The following CARMIL1 variants were observed in gnomAD, a reference collection of about 807,000 sequenced individuals.
CARMIL1 encodes the protein capping protein regulator and myosin 1 linker 1, also known as F-actin-uncapping protein LRRC16A.
A neutral mutation model predicts 177.1 loss-of-function variants in CARMIL1; 90 were observed. The ratio of observed to expected loss-of-function variants is 0.51; its 90% CI spans 0.43 to 0.61. The LOEUF (loss-of-function observed/expected upper bound fraction) is 0.61, where lower values mean the gene tolerates loss of function less well. CARMIL1 is among the 20% of genes least tolerant of loss of function. The pLI is 0.00. For missense variants in CARMIL1, 1,380 were observed against 1,667.0 expected, an observed-to-expected ratio of 0.83 and a Z score of 3.00; for synonymous variants, 577 against 606.2, an observed-to-expected ratio of 0.95 and a Z score of 0.71.
intron 5 of CARMIL1, among the ~76,000 whole-genome samples, chr6:25,441,320 C>CATATATATATATATATATATATATAT (rs199573016): frequency 6.0e-5 from 6 of 99,616 alleles, no homozygotes; most frequent in African/African-American, 8.1e-5. Context: ...AACAAACAAA[C>CATATATATATATATATATATATATAT]ATATATATAT....
Position 25,606,241 on chromosome 6 carries a change from T to C in CARMIL1, c.3815T>C (p.Ile1272Thr), listed in dbSNP as rs1276620996. The C allele has an allele frequency of 6.2e-7, 1 of 1,613,790 alleles. No homozygotes were observed. Among genetic ancestry groups the C allele is most frequent in the African/African-American group, 1.3e-5 (1 of 75,032 alleles). Residue 1272 changes from isoleucine (I) to threonine (T), a missense_variant, in exon 35 of 37, where the codon ATC becomes ACC. Coordinates refer to ENST00000329474, the MANE Select transcript of CARMIL1 (RefSeq NM_017640.6). ...CCCAGTCTGGCAGCACGGCCCGTCA[T>C]CCCGCAGAAACCAAGAACCGCCTCA... ...PKPSLAARPVIPQKPRTASRP... is the reference protein window; with the variant it reads ...PKPSLAARPVTPQKPRTASRP...
At chr6:25,395,803 C>T (rs1793325736) in intron 2 of CARMIL1, among the ~76,000 whole-genome samples, 1 of 152,180 alleles carries the variant, frequency 6.6e-6, no homozygotes, top group African/African-American at 2.4e-5. Context: ...CGTTTGTCTT[C>T]CTATTGAGGT....
chr6:25,374,111 G>A (rs1790741557), intron 2 of CARMIL1, among the ~76,000 whole-genome samples: 1 of 152,028 alleles, frequency 6.6e-6, no homozygotes, highest in African/African-American at 2.4e-5. Flanking sequence ...AGCTCCTTGA[G>A]GTATGATGTT....
intron 8 of CARMIL1, among the ~76,000 whole-genome samples, chr6:25,459,210 TTTTCTTTC>T (rs5875042): frequency 0.033 from 2,680 of 80,160 alleles, 122 homozygotes; most frequent in African/African-American, 0.065. Context: ...GATCCCAACT[TTTTCTTTC>T]TTTCTTTCTT....
chr6:25,424,279 C>T (rs1472465546), intron 3 of CARMIL1, among the ~76,000 whole-genome samples: 1 of 152,164 alleles, frequency 6.6e-6, no homozygotes, highest in African/African-American at 2.4e-5. Flanking sequence ...GCTTGAGGAA[C>T]TTGAAGTCAT....
At chr6:25,330,937 C>G (rs550443149) in intron 2 of CARMIL1, among the ~76,000 whole-genome samples, 2 of 130,282 alleles carry the variant, frequency 1.5e-5, no homozygotes, top group Non-Finnish European at 3.1e-5. Flanking sequence ...AGGGAACTTA[C>G]TGTAATGTAA....
chr6:25,488,657 T>A (rs1288742068), intron 13 of CARMIL1, 72 bp downstream of exon 13: 3 of 1,197,198 alleles, frequency 2.5e-6, no homozygotes. Flanking sequence ...TCTAAACATG[T>A]CTTTGTAGTG....
At chr6:25,331,420 C>G (rs1468807672) in intron 2 of CARMIL1, among the ~76,000 whole-genome samples, 2 of 152,180 alleles carry the variant, frequency 1.3e-5, no homozygotes, top group Non-Finnish European at 2.9e-5. Flanking sequence ...AAATTTAGTT[C>G]AGGCTGTCAT....
chr6:25,619,749 TTTTTTTTTTTTTG>T lies in CARMIL1; in HGVS notation c.*168_*180del, dbSNP rs1759591541. ...ATCCCCTGCCTTTTTTTTTTTTTTT[TTTTTTTTTTTTTG>T]TATAGAAACAGATCCATTTCTTGGT... On this transcript the variant is annotated 3_prime_UTR_variant, in exon 37 of 37. Transcript: ENST00000329474. 3.9e-6 allele frequency: 2 copies of T among 510,606 alleles called. No individual in the cohort carries two copies. The highest frequency in any genetic ancestry group is 4.4e-5 in the African/African-American group (2 of 45,874). The allele number at this position is 510,606 out of a possible 1,614,324, so 31.6% of individuals were successfully genotyped here.
intron 29 of CARMIL1, among the ~76,000 whole-genome samples, chr6:25,569,564 G>GT (rs1341159348): frequency 3.3e-5 from 5 of 152,180 alleles, no homozygotes; most frequent in African/African-American, 7.2e-5. Context: ...TTTGACTCAA[G>GT]TTTCTTAAAG....
intron 24 of CARMIL1, among the ~76,000 whole-genome samples, chr6:25,529,711 G>GCAGT (rs1807533874): frequency 2.4e-5 from 1 of 41,986 alleles, no homozygotes; most frequent in African/African-American, 9.1e-5. Context: ...TTGCGCCACT[G>GCAGT]CAGTCCGCAG....
intron 29 of CARMIL1, chr6:25,563,981 A>G: frequency 2.2e-6 from 1 of 459,128 alleles, no homozygotes; most frequent in Non-Finnish European, 2.9e-6. Flanking sequence ...GATCTGACAT[A>G]AAGTATGAAT....
chr6:25,581,041 C>T (rs1270380543), intron 30 of CARMIL1, 51 bp downstream of exon 30: 1 of 1,540,138 alleles, frequency 6.5e-7, no homozygotes, highest in Non-Finnish European at 8.8e-7. Flanking sequence ...GAAGCACCCT[C>T]AGCAAGACCT....
intron 4 of CARMIL1, among the ~76,000 whole-genome samples, chr6:25,431,648 A>C (rs1344837171): frequency 1.3e-5 from 2 of 152,102 alleles, no homozygotes; most frequent in African/African-American, 4.8e-5. Flanking sequence ...TTATGTTCGA[A>C]ATATGATTTC....
intron 3 of CARMIL1, 190 bp downstream of exon 3, chr6:25,420,354 T>C: frequency 1.7e-6 from 1 of 599,030 alleles, no homozygotes; most frequent in African/African-American, 1.9e-5. Context: ...ATTCAAGTTT[T>C]CCTTCCTTCT....
chr6:25,451,946 G>A (rs1032705934), intron 8 of CARMIL1: 3 of 614,782 alleles, frequency 4.9e-6, no homozygotes, highest in East Asian at 2.8e-5. Context: ...TGTCACAGAG[G>A]ATTGTTGTTG....
chr6:25,381,330 T>C (rs1471074619), intron 2 of CARMIL1, among the ~76,000 whole-genome samples: 1 of 152,148 alleles, frequency 6.6e-6, no homozygotes, highest in Non-Finnish European at 1.5e-5. Flanking sequence ...GGGTCTGTGA[T>C]CTGTTTCTAC....
chr6:25,496,201 G>A (rs542378536), intron 16 of CARMIL1, among the ~76,000 whole-genome samples: 1 of 152,112 alleles, frequency 6.6e-6, no homozygotes, highest in Non-Finnish European at 1.5e-5. Context: ...ATCCAGGCTG[G>A]GTGCGGTGGC....
intron 2 of CARMIL1, among the ~76,000 whole-genome samples, chr6:25,341,450 A>G (rs374481916): frequency 1.7e-4 from 26 of 152,240 alleles, no homozygotes; most frequent in African/African-American, 5.5e-4. Context: ...CCGGCTGAGC[A>G]TGGTGGCTCA....
Sources: gnomAD v4.1 joint callset for allele counts (sites outside exome capture counted in the v4.1 genomes callset) on GRCh38, gnomAD v4.1.1 for gene constraint, MANE v1.5 for transcripts, NCBI Gene and HGNC (gene_info 2026-07-23, HGNC 2026-07-21) for gene names.